OSBP2: variants seen among roughly 807,000 people sequenced by gnomAD.
OSBP2 encodes oxysterol-binding protein 2.
In OSBP2, 66 loss-of-function variants were observed where a neutral mutation model predicts 96.0. The ratio of observed to expected loss-of-function variants is 0.69; its 90% CI spans 0.56 to 0.84. The LOEUF (loss-of-function observed/expected upper bound fraction) is 0.84. OSBP2 is among the 40% of genes least tolerant of loss of function. OSBP2 has a pLI of 0.00. For missense variants in OSBP2, 1,038 were observed against 1,222.7 expected, an observed-to-expected ratio of 0.85 and a Z score of 2.25; for synonymous variants, 525 against 520.9, an observed-to-expected ratio of 1.01 and a Z score of -0.11.
intron 2 of OSBP2, among the ~76,000 whole-genome samples, chr22:30,768,848 C>T (rs2090312321): frequency 6.6e-6 from 1 of 152,244 alleles, no homozygotes; most frequent in Non-Finnish European, 1.5e-5. Context: ...TTCTTTGTTA[C>T]TGTTTAGGTG....
chr22:30,850,586 G>A (rs924354879), intron 2 of OSBP2, among the ~76,000 whole-genome samples: 1 of 151,640 alleles, frequency 6.6e-6, no homozygotes, highest in African/African-American at 2.4e-5. Context: ...TGCAACCTCC[G>A]CCTCCTGGGT....
chr22:30,889,314 C>G, intron 6 of OSBP2, 80 bp downstream of exon 6: 1 of 1,483,122 alleles, frequency 6.7e-7, no homozygotes, highest in Non-Finnish European at 9.3e-7. Flanking sequence ...GCACCAAGAA[C>G]TGGGGGCCAG....
intron 2 of OSBP2, among the ~76,000 whole-genome samples, chr22:30,813,324 C>G (rs1421147719): frequency 6.6e-6 from 1 of 151,928 alleles, no homozygotes; most frequent in East Asian, 1.9e-4. Context: ...CAGGTGCACA[C>G]CACCATGCCT....
chr22:30,714,770 C>A (rs1331054518), intron 1 of OSBP2, among the ~76,000 whole-genome samples: 1 of 152,148 alleles, frequency 6.6e-6, no homozygotes, highest in Non-Finnish European at 1.5e-5. Flanking sequence ...GTGCCCACCA[C>A]CATGCCTGGC....
At chr22:30,762,717 A>G (rs565311236) in intron 2 of OSBP2, among the ~76,000 whole-genome samples, 1 of 151,848 alleles carries the variant, frequency 6.6e-6, no homozygotes, top group Admixed American at 6.6e-5. Flanking sequence ...CCCACACCCT[A>G]TTTTCCTCAA....
At chr22:30,764,250 C>T (rs2090242099) in intron 2 of OSBP2, 1 of 983,280 alleles carries the variant, frequency 1.0e-6, no homozygotes, top group South Asian at 4.7e-5. Context: ...AGGCTCTGCC[C>T]TTAGAGCAAC....
chr22:30,889,243 G>A lies in OSBP2; in HGVS notation c.1476+9G>A, dbSNP rs200103201. ...GGAGCTCAGCAGACAATGTAAGTGAGGGGGAGCACTGTAAGGGCCAGAAGG... is the reference window on the plus strand; with the variant it reads ...GGAGCTCAGCAGACAATGTAAGTGAAGGGGAGCACTGTAAGGGCCAGAAGG... On this transcript the variant is annotated intron_variant, in intron 6 of 13. Coordinates refer to ENST00000332585, the MANE Select transcript of OSBP2 (RefSeq NM_030758.4). 2.2e-5 allele frequency: 35 copies of A among 1,611,212 alleles called. No homozygotes were observed. Among genetic ancestry groups the A allele is most frequent in the South Asian group, 1.9e-4 (17 of 90,958 alleles).
At chr22:30,875,983 G>A (rs1051488709) in intron 3 of OSBP2, among the ~76,000 whole-genome samples, 4 of 152,202 alleles carry the variant, frequency 2.6e-5, no homozygotes, top group Admixed American at 6.5e-5. Flanking sequence ...ACCCAGGGCC[G>A]CCAGCTCACA....
chr22:30,699,785 C>T (rs1355549260), intron 1 of OSBP2, among the ~76,000 whole-genome samples: 1 of 152,100 alleles, frequency 6.6e-6, no homozygotes, highest in Non-Finnish European at 1.5e-5. Context: ...AGGAAGAAAG[C>T]ACATTTTACC....
At chr22:30,717,679 G>A (rs2089486353) in intron 1 of OSBP2, among the ~76,000 whole-genome samples, 1 of 152,196 alleles carries the variant, frequency 6.6e-6, no homozygotes, top group Non-Finnish European at 1.5e-5. Flanking sequence ...AAAGATTGCT[G>A]GTTGAGACTC....
In OSBP2 at chr22:30,870,307, A is replaced by G; in HGVS notation, c.854-122A>G. 3.9e-6 allele frequency: 4 copies of G among 1,021,652 alleles called. No homozygotes were observed. In the South Asian group the frequency reaches 6.2e-5, roughly 16 times the overall value. 63.3% of individuals were successfully genotyped at this position (1,021,652 alleles called of 1,614,324 possible). ...CCGGCCAGGAACAGGAACGGGCACC[A>G]TCTCGGGGACTGATGTTTTTTGAAT... On this transcript the variant is annotated intron_variant, in intron 2 of 13. Coordinates refer to ENST00000332585, the MANE Select transcript of OSBP2 (RefSeq NM_030758.4). This position sits in a 1 kb window ranked among gnomAD's most constrained non-coding sequence, Gnocchi z 4.1.
rs758880208 is a variant in OSBP2 at position 30,906,364 on chromosome 22, G to A, written c.*25G>A. On this transcript the variant is annotated 3_prime_UTR_variant, in exon 14 of 14. Transcript: ENST00000332585. ...AGCGCCACCCTTGCAACAAATACAG[G>A]CGCCTGCACAGCCTGGCCCACCTGT... 2.0e-5 allele frequency: 32 copies of A among 1,571,930 alleles called. No individual in the cohort carries two copies. In the East Asian group the frequency reaches 5.2e-4, roughly 26 times the overall value.
chr22:30,755,872 C>T (rs2090133754), intron 2 of OSBP2, among the ~76,000 whole-genome samples: 2 of 152,338 alleles, frequency 1.3e-5, no homozygotes, highest in South Asian at 2.1e-4. Context: ...TTGCACCCCA[C>T]CCGTCTCAGC....
chr22:30,901,138 G>A (rs774792258), intron 12 of OSBP2, among the ~76,000 whole-genome samples: 6 of 152,082 alleles, frequency 3.9e-5, no homozygotes, highest in Non-Finnish European at 5.9e-5. Context: ...ATGTGATCTC[G>A]ACTCATTGCA....
intron 2 of OSBP2, among the ~76,000 whole-genome samples, chr22:30,806,873 G>A (rs913434012): frequency 2.6e-5 from 4 of 152,114 alleles, no homozygotes; most frequent in Admixed American, 6.6e-5. Flanking sequence ...TCCATTTCCC[G>A]GGTGATGAGA....
intron 1 of OSBP2, among the ~76,000 whole-genome samples, chr22:30,723,803 C>G (rs768394494): frequency 2.0e-5 from 3 of 152,190 alleles, no homozygotes; most frequent in Non-Finnish European, 2.9e-5. Flanking sequence ...CCCATCTACT[C>G]TCTCCCGACA....
chr22:30,790,277 C>T (rs1184482827), intron 2 of OSBP2, among the ~76,000 whole-genome samples: 1 of 151,846 alleles, frequency 6.6e-6, no homozygotes, highest in Non-Finnish European at 1.5e-5. Flanking sequence ...AAATACATGG[C>T]ACTGCTGTGG....
intron 2 of OSBP2, among the ~76,000 whole-genome samples, chr22:30,776,427 T>C (rs2145798644): frequency 6.6e-6 from 1 of 152,268 alleles, no homozygotes; most frequent in South Asian, 2.1e-4. Context: ...CCTGGCCTAA[T>C]AAATATCACT....
At chr22:30,830,797 C>A (rs2147002476) in intron 2 of OSBP2, among the ~76,000 whole-genome samples, 1 of 152,252 alleles carries the variant, frequency 6.6e-6, no homozygotes, top group African/African-American at 2.4e-5. Context: ...TTCCATAGCG[C>A]CATTATCCCT....
Sources: gnomAD v4.1 joint callset for allele counts (sites outside exome capture counted in the v4.1 genomes callset) on GRCh38, gnomAD v4.1.1 for gene constraint, Gnocchi (gnomAD v3.1) non-coding constraint, MANE v1.5 for transcripts, NCBI Gene and HGNC (gene_info 2026-07-23, HGNC 2026-07-21) for gene names.